The following TIMP3 variants were observed in gnomAD, a reference collection of about 807,000 sequenced individuals.
TIMP3 encodes the protein TIMP metallopeptidase inhibitor 3.
Under a neutral mutation model 30.0 loss-of-function variants are expected in TIMP3, and 11 were observed. The ratio of observed to expected loss-of-function variants is 0.37; its 90% CI spans 0.23 to 0.61. The LOEUF (loss-of-function observed/expected upper bound fraction) is 0.61. TIMP3 is among the 20% of genes least tolerant of loss of function. TIMP3 has a pLI of 0.70. For missense variants in TIMP3, 181 were observed against 276.8 expected (o/e 0.65, Z 2.45); for synonymous variants, 112 against 111.3 (o/e 1.01, Z -0.04).
At chr22:32,822,235 G>A (rs1454173687) in intron 1 of TIMP3, among the ~76,000 whole-genome samples, 2 of 151,528 alleles carry the variant, frequency 1.3e-5, no homozygotes, top group Non-Finnish European at 2.9e-5. Context: ...GCTGGCTCCT[G>A]TGCCCAAAGT....
At chr22:32,815,415 A>G (rs1204487749) in intron 1 of TIMP3, among the ~76,000 whole-genome samples, 1 of 152,248 alleles carries the variant, frequency 6.6e-6, no homozygotes, top group Admixed American at 6.5e-5. Context: ...TGGAACAAAA[A>G]TAATAACCAT....
At position 32,861,718 on chromosome 22, in the gene TIMP3, G is replaced by A. The variant is rs1168377987; in HGVS notation, c.*2341G>A. The A allele has an allele frequency of 6.6e-6, 1 of 152,310 alleles. No homozygotes were observed. The highest frequency in any genetic ancestry group is 1.9e-4 in the East Asian group (1 of 5,136). 9.4% of individuals were successfully genotyped at this position (152,310 alleles called of 1,614,324 possible). On this transcript the variant is annotated 3_prime_UTR_variant, in exon 5 of 5. Coordinates refer to ENST00000266085, the MANE Select transcript of TIMP3 (RefSeq NM_000362.5). ...TGGTGAGGAGGCCCTGGGCAAAGAAGGGTCTTTCGCAAAGCGATGTCAGAG... is the reference window on the plus strand; with the variant it reads ...TGGTGAGGAGGCCCTGGGCAAAGAAAGGTCTTTCGCAAAGCGATGTCAGAG...
At chr22:32,843,063 T>C (rs1601518208) in intron 1 of TIMP3, among the ~76,000 whole-genome samples, 1 of 152,260 alleles carries the variant, frequency 6.6e-6, no homozygotes, top group East Asian at 1.9e-4. Flanking sequence ...GGTGGTCTGC[T>C]GTCCTGGGGG....
At chr22:32,803,770 T>C (rs1416985475) in intron 1 of TIMP3, among the ~76,000 whole-genome samples, 1 of 152,142 alleles carries the variant, frequency 6.6e-6, no homozygotes. Context: ...GGCTGGCAGG[T>C]GGAATCAGGG....
chr22:32,839,325 G>C (rs2047828679), intron 1 of TIMP3, among the ~76,000 whole-genome samples: 1 of 152,156 alleles, frequency 6.6e-6, no homozygotes, highest in African/African-American at 2.4e-5. Flanking sequence ...GGGACTTAGG[G>C]GAGAAGGACT....
chr22:32,842,691 G>T lies in TIMP3; in HGVS notation c.122-6761G>T, dbSNP rs536989520. Among the ~76,000 whole-genome samples the T allele has an allele frequency of 2.6e-5, 4 of 152,272 alleles. No homozygotes were observed. In the South Asian group the frequency reaches 8.3e-4, roughly 32 times the overall value. On this transcript the variant is annotated intron_variant, in intron 1 of 4. Transcript: ENST00000266085. ...ATTAACTTCAAACTTCCTGTGTTGG[G>T]AGAACCCTTAGGGAGCCTGTGGTTT...
chr22:32,811,630 T>C (rs2046917691), intron 1 of TIMP3, among the ~76,000 whole-genome samples: 1 of 152,072 alleles, frequency 6.6e-6, no homozygotes, highest in Admixed American at 6.5e-5. Context: ...CATTTTAGAG[T>C]CTTAAGTCCA....
At chr22:32,830,477 C>G (rs2047540307) in intron 1 of TIMP3, among the ~76,000 whole-genome samples, 2 of 152,146 alleles carry the variant, frequency 1.3e-5, no homozygotes, top group African/African-American at 4.8e-5. Flanking sequence ...ATGTCTTTGC[C>G]CTGTGTGCCC....
chr22:32,862,168 A>G lies in TIMP3; in HGVS notation c.*2791A>G, dbSNP rs1601569997. ...CCCTGGGTAGTCTACCATTTACTTC[A>G]CCCCAAGTCCTGCTGCCCATCCAGT... On this transcript the variant is annotated 3_prime_UTR_variant, in exon 5 of 5. Transcript: ENST00000266085. The G allele has an allele frequency of 6.6e-6, 1 of 152,166 alleles. No homozygotes were observed. The highest frequency in any genetic ancestry group is 2.1e-4 in the South Asian group (1 of 4,804). 9.4% of individuals were successfully genotyped at this position (152,166 alleles called of 1,614,324 possible).
intron 1 of TIMP3, among the ~76,000 whole-genome samples, chr22:32,820,865 T>C (rs2047227032): frequency 6.6e-6 from 1 of 152,204 alleles, no homozygotes; most frequent in African/African-American, 2.4e-5. Context: ...GTATGAATGA[T>C]AAAGAGCAGA....
intron 1 of TIMP3, among the ~76,000 whole-genome samples, chr22:32,831,689 G>A (rs146298070): frequency 2.0e-5 from 3 of 152,198 alleles, no homozygotes; most frequent in African/African-American, 7.2e-5. Context: ...GACCTTACTT[G>A]GCATTAACAC....
At chr22:32,810,209 T>G (rs1477313425) in intron 1 of TIMP3, among the ~76,000 whole-genome samples, 2 of 152,154 alleles carry the variant, frequency 1.3e-5, no homozygotes, top group Non-Finnish European at 2.9e-5. Flanking sequence ...AAAATTAGTG[T>G]TTGTAGCTTC....
chr22:32,819,352 G>C (rs1374556043), intron 1 of TIMP3, among the ~76,000 whole-genome samples: 1 of 152,202 alleles, frequency 6.6e-6, no homozygotes, highest in Non-Finnish European at 1.5e-5. Flanking sequence ...GAGGTCCTGC[G>C]GTCTCCTTCT....
intron 1 of TIMP3, among the ~76,000 whole-genome samples, chr22:32,828,695 C>T (rs1028290964): frequency 6.6e-6 from 1 of 152,170 alleles, no homozygotes; most frequent in South Asian, 2.1e-4. Context: ...CCCAATCCAG[C>T]GGGAGTTCTT....
intron 1 of TIMP3, among the ~76,000 whole-genome samples, chr22:32,826,099 A>G (rs546092728): frequency 1.3e-5 from 2 of 152,218 alleles, no homozygotes; most frequent in African/African-American, 2.4e-5. Flanking sequence ...TTTTTTCCCA[A>G]CCTTTCTTTA....
At chr22:32,841,575 G>C (rs944771844) in intron 1 of TIMP3, among the ~76,000 whole-genome samples, 2 of 152,090 alleles carry the variant, frequency 1.3e-5, no homozygotes, top group African/African-American at 4.8e-5. Context: ...GGTCGAATTT[G>C]AGATGTTTTA....
chr22:32,822,388 G>A (rs2047275283), intron 1 of TIMP3, among the ~76,000 whole-genome samples: 1 of 152,144 alleles, frequency 6.6e-6, no homozygotes, highest in African/African-American at 2.4e-5. Context: ...TGGGGAATCT[G>A]GGACTTGCAC....
intron 1 of TIMP3, among the ~76,000 whole-genome samples, chr22:32,818,127 CCTAA>C (rs2047137062): frequency 6.6e-6 from 1 of 152,194 alleles, no homozygotes; most frequent in South Asian, 2.1e-4. Context: ...AAAAAGGTAA[CCTAA>C]CTTAGTCTGA....
At chr22:32,848,960 G>A (rs1231746723) in intron 1 of TIMP3, among the ~76,000 whole-genome samples, 1 of 152,162 alleles carries the variant, frequency 6.6e-6, no homozygotes, top group Non-Finnish European at 1.5e-5. Context: ...AAGCTAGGGT[G>A]CACCACAACC....
Sources: allele counts gnomAD v4.1 joint callset (sites outside exome capture counted in the v4.1 genomes callset), GRCh38; gene constraint gnomAD v4.1.1; transcripts MANE v1.5; gene names NCBI Gene and HGNC (gene_info 2026-07-23, HGNC 2026-07-21).